CREB5: variants seen among roughly 807,000 people sequenced by gnomAD.
CREB5 encodes cAMP responsive element binding protein 5, also known as cyclic AMP-responsive element-binding protein 5.
CREB5 carries 19 observed loss-of-function variants against 57.1 expected under a neutral mutation model. The ratio of observed to expected loss-of-function variants is 0.33; its 90% CI spans 0.23 to 0.49. The LOEUF (loss-of-function observed/expected upper bound fraction) is 0.49, where lower values mean the gene tolerates loss of function less well. Ranked by LOEUF, CREB5 falls within the 20% of genes least tolerant of loss-of-function variation. The pLI, the probability that CREB5 is intolerant of heterozygous loss-of-function variation, is 0.99. For synonymous variants in CREB5, 238 were observed against 238.3 expected (o/e 1.00, Z 0.01); for missense variants, 579 against 671.6 (o/e 0.86, Z 1.52).
chr7:28,726,199 T>C (rs1181319693), intron 7 of CREB5, among the ~76,000 whole-genome samples: 1 of 152,104 alleles, frequency 6.6e-6, no homozygotes, highest in African/African-American at 2.4e-5. Context: ...TATTTCCAGG[T>C]CCACAGCATC....
At chr7:28,796,687 A>G (rs540439538) in intron 7 of CREB5, among the ~76,000 whole-genome samples, 16 of 152,316 alleles carry the variant, frequency 1.1e-4, no homozygotes, top group Non-Finnish European at 1.8e-4. Context: ...TTTGTTTTAG[A>G]CATTCACCCA....
intron 5 of CREB5, among the ~76,000 whole-genome samples, chr7:28,715,693 A>C (rs1802649147): frequency 6.6e-6 from 1 of 152,166 alleles, no homozygotes; most frequent in Non-Finnish European, 1.5e-5. Flanking sequence ...AATTCAAGCA[A>C]GAAACAGAGA....
chr7:28,405,995 G>C (rs1248112025), intron 1 of CREB5, among the ~76,000 whole-genome samples: 1 of 152,112 alleles, frequency 6.6e-6, no homozygotes, highest in African/African-American at 2.4e-5. Flanking sequence ...AGTTGCCTGG[G>C]TGTTTTTTGC....
intron 10 of CREB5, 37 bp downstream of exon 10, chr7:28,818,216 A>G (rs1809554102): frequency 1.3e-6 from 2 of 1,486,302 alleles, no homozygotes; most frequent in Non-Finnish European, 1.9e-6. Context: ...TTTAGTGTCC[A>G]ATATTTTTTG....
intron 1 of CREB5, among the ~76,000 whole-genome samples, chr7:28,455,032 T>C (rs1790028483): frequency 6.6e-6 from 1 of 152,244 alleles, no homozygotes; most frequent in Non-Finnish European, 1.5e-5. Context: ...GTACCTCTAC[T>C]GACTTCTGTT....
chr7:28,607,951 A>G (rs1360736387), intron 5 of CREB5, among the ~76,000 whole-genome samples: 4 of 152,038 alleles, frequency 2.6e-5, no homozygotes, highest in African/African-American at 7.2e-5. Flanking sequence ...CGAAACAAAC[A>G]CTGAACAGCG....
chr7:28,549,964 G>A (rs956555817), intron 4 of CREB5, among the ~76,000 whole-genome samples: 5 of 152,144 alleles, frequency 3.3e-5, no homozygotes, highest in African/African-American at 7.2e-5. Context: ...CCTCTTCAGT[G>A]GATTTTAATA....
At chr7:28,380,722 A>C (rs755925241) in intron 1 of CREB5, among the ~76,000 whole-genome samples, 25 of 152,196 alleles carry the variant, frequency 1.6e-4, no homozygotes, top group Non-Finnish European at 3.4e-4. Flanking sequence ...TGGGCACTGA[A>C]GGAAGCTGTC....
intron 1 of CREB5, among the ~76,000 whole-genome samples, chr7:28,301,228 C>G (rs1785093546): frequency 6.6e-6 from 1 of 152,154 alleles, no homozygotes; most frequent in Admixed American, 6.5e-5. Context: ...GGATTGTGGT[C>G]AACCTGTCTG....
At chr7:28,658,951 GTGTA>G (rs1462001759) in intron 5 of CREB5, among the ~76,000 whole-genome samples, 1 of 46,988 alleles carries the variant, frequency 2.1e-5, no homozygotes, top group Non-Finnish European at 4.7e-5. Flanking sequence ...ATGTGTGTGT[GTGTA>G]TATATATATA....
upstream of CREB5, chr7:28,409,680 T>C: frequency 3.3e-6 from 1 of 302,514 alleles, no homozygotes; most frequent in Non-Finnish European, 6.5e-6. The surrounding 1 kb of genome is among the most constrained non-coding windows in gnomAD (Gnocchi z 4.4). Flanking sequence ...CCCCGAGTGC[T>C]GGTAGACTGT....
intron 5 of CREB5, among the ~76,000 whole-genome samples, chr7:28,591,255 G>A (rs1449208017): frequency 6.6e-6 from 1 of 152,168 alleles, no homozygotes; most frequent in Non-Finnish European, 1.5e-5. Context: ...AAGTCACAGA[G>A]TGATTTATTT....
rs1387293908 is a variant in CREB5 at position 28,327,074 on chromosome 7, G to T, written c.-25+27633G>T. Among the ~76,000 whole-genome samples the T allele has an allele frequency of 2.0e-5, 3 of 151,482 alleles. No homozygotes were observed. In the East Asian group the frequency reaches 5.8e-4, roughly 29 times the overall value. On this transcript the variant is annotated intron_variant, in intron 1 of 9. Transcript: ENST00000396299. ...TGAGGCTGGGGAATCATTTAAACCT[G>T]GGAGGCAGAGGTTACAGTGAGCTGA...
chr7:28,658,957 A>ATATATATATATATATATATGTG (rs1297878960), intron 5 of CREB5, among the ~76,000 whole-genome samples: 21 of 111,790 alleles, frequency 1.9e-4, no homozygotes, highest in East Asian at 9.1e-4. Context: ...GTGTGTGTAT[A>ATATATATATATATATATATGTG]TATATATATA....
At chr7:28,787,587 G>A (rs1205040687) in intron 7 of CREB5, among the ~76,000 whole-genome samples, 2 of 152,142 alleles carry the variant, frequency 1.3e-5, no homozygotes, top group Admixed American at 6.5e-5. Flanking sequence ...TGTTTTTTGA[G>A]ACAAGGTTTT....
intron 5 of CREB5, among the ~76,000 whole-genome samples, chr7:28,609,612 G>A (rs1797308153): frequency 6.6e-6 from 1 of 152,174 alleles, no homozygotes; most frequent in South Asian, 2.1e-4. Flanking sequence ...CTGCATTTCT[G>A]TTCAATGAGC....
At chr7:28,665,675 T>G (rs777249636) in intron 5 of CREB5, among the ~76,000 whole-genome samples, 5 of 152,164 alleles carry the variant, frequency 3.3e-5, no homozygotes, top group African/African-American at 4.8e-5. Context: ...TGGCTTGAAC[T>G]GATAATTCTC....
At position 28,661,753 on chromosome 7, in the gene CREB5, TC is replaced by T. The variant is rs1175362186; in HGVS notation, c.465-56998del. Among the ~76,000 whole-genome samples, 5 of 152,354 alleles carry T rather than the reference TC, an allele frequency of 3.3e-5. No homozygotes were observed. In the East Asian group the frequency reaches 5.8e-4, roughly 18 times the overall value. On this transcript the variant is annotated intron_variant, in intron 5 of 10. Coordinates refer to ENST00000357727, the MANE Select transcript of CREB5 (RefSeq NM_182898.4). The stretch of plus-strand genomic sequence containing the variant: ...AGGTTTACAGCACACTCATTTATTG[TC>T]CATGTACTAGGGATCCCTCTCTTGC...
intron 5 of CREB5, among the ~76,000 whole-genome samples, chr7:28,667,941 T>C (rs1799888722): frequency 6.6e-6 from 1 of 152,230 alleles, no homozygotes; most frequent in Admixed American, 6.5e-5. Flanking sequence ...ATTTACATTA[T>C]GTGAGACAAT....
Sources: allele counts gnomAD v4.1 joint callset (sites outside exome capture counted in the v4.1 genomes callset), GRCh38; gene constraint gnomAD v4.1.1; non-coding constraint Gnocchi (gnomAD v3.1); transcripts MANE v1.5; gene names NCBI Gene and HGNC (gene_info 2026-07-23, HGNC 2026-07-21).